Variants in PLS3 observed in about 807,000 individuals in gnomAD.
The protein encoded by PLS3 is plastin 3, also known as plastin-3.
Under a neutral mutation model 46.5 loss-of-function variants are expected in PLS3, and 11 were observed. The ratio of observed to expected loss-of-function variants is 0.24; its 90% CI spans 0.15 to 0.39. PLS3 has a LOEUF of 0.39. Among genes scored for constraint, PLS3 ranks in the 10% least tolerant of loss-of-function variants. The pLI is 1.00. For synonymous variants in PLS3, 167 were observed against 162.2 expected (o/e 1.03, Z -0.22); for missense variants, 308 against 461.8 (o/e 0.67, Z 3.05).
At chrX:115,617,083 C>T (rs2074604958) in intron 2 of PLS3, among the ~76,000 whole-genome samples, 1 of 111,820 alleles carries the variant, frequency 8.9e-6, no homozygotes, top group Non-Finnish European at 1.9e-5. Flanking sequence ...CCAGGGGTTC[C>T]GTTTGATTCA....
chrX:115,630,001 C>T (rs1556639041), intron 5 of PLS3, 34 bp downstream of exon 5: 6 of 1,032,789 alleles, frequency 5.8e-6, no homozygotes, highest in African/African-American at 1.9e-5. Flanking sequence ...TCCAGATATC[C>T]AAAAATAGCC....
chrX:115,582,111 C>T (rs868933307), intron 1 of PLS3, among the ~76,000 whole-genome samples: 10 of 112,112 alleles, frequency 8.9e-5, no homozygotes, highest in African/African-American at 3.2e-4. Flanking sequence ...TTTATTTTGT[C>T]TAATGAAAGA....
At chrX:115,593,031 A>T (rs1474888611) in intron 1 of PLS3, among the ~76,000 whole-genome samples, 1 of 112,064 alleles carries the variant, frequency 8.9e-6, no homozygotes, top group Non-Finnish European at 1.9e-5. Flanking sequence ...CATTTTTGAC[A>T]TAAATCAAAA....
intron 1 of PLS3, among the ~76,000 whole-genome samples, chrX:115,601,131 A>G (rs1024501378): frequency 1.7e-4 from 19 of 110,024 alleles, no homozygotes; most frequent in African/African-American, 6.0e-4. Context: ...GTCTAGATAG[A>G]TGGGTGAAGA....
At chrX:115,604,819 C>T (rs2074475679) in intron 1 of PLS3, among the ~76,000 whole-genome samples, 1 of 111,845 alleles carries the variant, frequency 8.9e-6, no homozygotes, top group Admixed American at 9.5e-5. Flanking sequence ...TTTTTAATAT[C>T]TTCACTCATT....
rs782024613 is a variant in PLS3 at position 115,612,274 on chromosome X, G to C, written c.73+1951G>C. Among the ~76,000 whole-genome samples, 8 of 111,252 alleles carry C rather than the reference G, an allele frequency of 7.2e-5. No individual in the cohort carries two copies. In the South Asian group the frequency reaches 3.0e-3, roughly 41 times the overall value. ...TAAAGGTTTTTGCCATTAAATTGTA[G>C]CATATAAAATTTATATATATTTTTC... is the stretch of plus-strand genomic sequence containing the variant. On this transcript the variant is annotated intron_variant, in intron 2 of 15. Coordinates refer to ENST00000355899, the MANE Select transcript of PLS3 (RefSeq NM_005032.7).
intron 1 of PLS3, among the ~76,000 whole-genome samples, chrX:115,597,740 T>A (rs1036008193): frequency 8.9e-6 from 1 of 111,808 alleles, no homozygotes; most frequent in African/African-American, 3.3e-5. Flanking sequence ...ATATCCAGAT[T>A]TATGTTCCAT....
Position 115,630,876 on chromosome X carries a change from T to C in PLS3, c.500+909T>C, listed in dbSNP as rs868981143. On this transcript the variant is annotated intron_variant, in intron 5 of 15. Coordinates refer to ENST00000355899, the MANE Select transcript of PLS3 (RefSeq NM_005032.7). ...TATATGTATATTATACATGTATATA[T>C]GTATATATATGTATAATATATGTAT... is the stretch of plus-strand genomic sequence containing the variant. Among the ~76,000 whole-genome samples the C allele has an allele frequency of 5.2e-5, 5 of 95,421 alleles. No homozygotes were observed. The East Asian group carries it at 1.5e-3, about 29-fold the overall frequency. 82.9% of individuals were successfully genotyped at this position (95,421 alleles called of 115,157 possible).
At chrX:115,586,594 G>A (rs1556632486) in intron 1 of PLS3, among the ~76,000 whole-genome samples, 1 of 105,332 alleles carries the variant, frequency 9.5e-6, no homozygotes, top group African/African-American at 3.5e-5. Flanking sequence ...CAGGAGAATC[G>A]CTTGAACTCG....
intron 11 of PLS3, 125 bp downstream of exon 11, chrX:115,645,224 G>C: frequency 2.0e-6 from 1 of 491,663 alleles, no homozygotes; most frequent in Non-Finnish European, 3.4e-6. Flanking sequence ...AATGTCAAGT[G>C]GTGATTTCCA....
intron 3 of PLS3, among the ~76,000 whole-genome samples, 169 bp downstream of exon 3, chrX:115,622,578 A>G (rs1556637807): frequency 8.9e-6 from 1 of 111,858 alleles, no homozygotes; most frequent in Non-Finnish European, 1.9e-5. Context: ...AGCTGCTGGA[A>G]TATCTTAACA....
At chrX:115,641,746 C>T (rs1224619900) in intron 9 of PLS3, among the ~76,000 whole-genome samples, 1 of 110,908 alleles carries the variant, frequency 9.0e-6, no homozygotes, top group Non-Finnish European at 1.9e-5. Context: ...GATTCTGATA[C>T]ACCCCTTCTC....
At chrX:115,570,998 G>C (rs1167371755) in intron 1 of PLS3, among the ~76,000 whole-genome samples, 2 of 105,343 alleles carry the variant, frequency 1.9e-5, no homozygotes, top group African/African-American at 7.0e-5. Flanking sequence ...GGGTTCATGC[G>C]ATTCTCCTGC....
intron 1 of PLS3, among the ~76,000 whole-genome samples, chrX:115,572,072 T>G (rs1168895291): frequency 8.9e-6 from 1 of 112,218 alleles, no homozygotes; most frequent in Non-Finnish European, 1.9e-5. Flanking sequence ...AAATTATCAT[T>G]AAGTGTAACT....
chrX:115,578,691 CAA>C (rs373605509), intron 1 of PLS3, among the ~76,000 whole-genome samples: 12 of 26,956 alleles, frequency 4.5e-4, no homozygotes, highest in African/African-American at 7.5e-4. Flanking sequence ...CGCCACTGCA[CAA>C]AAAAAAAAAA....
chrX:115,599,937 A>G (rs955731025), intron 1 of PLS3, among the ~76,000 whole-genome samples: 1 of 110,771 alleles, frequency 9.0e-6, no homozygotes, highest in Non-Finnish European at 1.9e-5. Flanking sequence ...GCTGAGAAAT[A>G]CATCTTTTTA....
chrX:115,626,120 G>A (rs893796758), intron 3 of PLS3, among the ~76,000 whole-genome samples: 1 of 111,423 alleles, frequency 9.0e-6, no homozygotes, highest in Non-Finnish European at 1.9e-5. Context: ...TCAGCCTTGT[G>A]CTATCTCTGA....
intron 1 of PLS3, among the ~76,000 whole-genome samples, chrX:115,605,490 C>T (rs999598806): frequency 2.6e-4 from 29 of 111,681 alleles, no homozygotes; most frequent in Non-Finnish European, 3.4e-4. Flanking sequence ...GGGTCTTGCT[C>T]TGTCACCCAT....
intron 8 of PLS3, among the ~76,000 whole-genome samples, chrX:115,637,187 A>G (rs1556640397): frequency 8.9e-6 from 1 of 111,930 alleles, no homozygotes. Flanking sequence ...ATATTATGCT[A>G]ATTTATCATA....
Sources: gnomAD v4.1 joint callset for allele counts (sites outside exome capture counted in the v4.1 genomes callset) on GRCh38, gnomAD v4.1.1 for gene constraint, MANE v1.5 for transcripts, NCBI Gene and HGNC (gene_info 2026-07-23, HGNC 2026-07-21) for gene names.